The following DENND1B variants were observed in gnomAD, a reference collection of about 807,000 sequenced individuals.
DENND1B encodes the protein DENN domain containing 1B.
DENND1B carries 59 observed loss-of-function variants against 90.1 expected under a neutral mutation model. The observed-to-expected ratio is 0.65, with a 90% CI of 0.53 to 0.81. The LOEUF is 0.81. DENND1B is among the 40% of genes least tolerant of loss of function. The pLI is 0.00. For synonymous variants in DENND1B, 337 were observed against 324.6 expected, an observed-to-expected ratio of 1.04 and a Z score of -0.41; for missense variants, 862 against 912.6, an observed-to-expected ratio of 0.94 and a Z score of 0.71.
In DENND1B at chr1:197,510,325, G is replaced by A. The variant is rs561880998; in HGVS notation, c.*135C>T. On this transcript the variant is annotated 3_prime_UTR_variant, in exon 23 of 23. Coordinates refer to ENST00000620048, the MANE Select transcript of DENND1B (RefSeq NM_001195215.2). ...AATGCATTTCATATATCCTCGAAATGAACAAGTGAGAAAAATGTTGCAAAT... is the reference window on the plus strand; with the variant it reads ...AATGCATTTCATATATCCTCGAAATAAACAAGTGAGAAAAATGTTGCAAAT... 6.9e-4 allele frequency: 678 copies of A among 984,434 alleles called. 2 individuals carry two copies. The highest frequency in any genetic ancestry group is 3.6e-3 in the Middle Eastern group (11 of 3,026). 61.0% of individuals were successfully genotyped at this position (984,434 alleles called of 1,614,324 possible).
intron 18 of DENND1B, 109 bp downstream of exon 18, chr1:197,545,812 TA>T: frequency 1.1e-6 from 1 of 929,972 alleles, no homozygotes; most frequent in South Asian, 1.7e-5. Flanking sequence ...AATTTTTTTT[TA>T]GGTTTATTTA....
intron 20 of DENND1B, among the ~76,000 whole-genome samples, chr1:197,536,749 T>C (rs1669934609): frequency 1.3e-5 from 2 of 152,062 alleles, no homozygotes; most frequent in South Asian, 2.1e-4. Context: ...TATTAAGATA[T>C]ATACAACACA....
chr1:197,694,863 C>T (rs1429038097), intron 3 of DENND1B, among the ~76,000 whole-genome samples: 2 of 151,108 alleles, frequency 1.3e-5, no homozygotes, highest in Non-Finnish European at 3.0e-5. Context: ...ATCTGTTCAC[C>T]CTTCAACAGA....
At chr1:197,511,972 A>G in intron 21 of DENND1B, 28 bp from the exon 22 acceptor site, 1 of 1,556,456 alleles carries the variant, frequency 6.4e-7, no homozygotes, top group Non-Finnish European at 8.8e-7. Context: ...ACGCAGTAGT[A>G]GGTAAATAAC....
In DENND1B at chr1:197,510,358, A is replaced by T. The variant is rs1286667628; in HGVS notation, c.*102T>A. ...GAGAAAAATGTTGCAAATGCAAAAA[A>T]AAATTTAAATAGTATGAGTTGCCAT... On this transcript the variant is annotated 3_prime_UTR_variant, in exon 23 of 23. Coordinates refer to ENST00000620048, the MANE Select transcript of DENND1B (RefSeq NM_001195215.2). 1 of 1,359,418 alleles carries T rather than the reference A, an allele frequency of 7.4e-7. No individual in the cohort carries two copies. Among genetic ancestry groups the T allele is most frequent in the Non-Finnish European group, 9.8e-7 (1 of 1,024,104 alleles). 84.2% of individuals were successfully genotyped at this position (1,359,418 alleles called of 1,614,324 possible). A position where few individuals can be genotyped will look rare whatever the true frequency, so the allele number is the denominator to read the frequency against.
intron 16 of DENND1B, among the ~76,000 whole-genome samples, chr1:197,550,823 A>T (rs1030164259): frequency 6.6e-6 from 1 of 151,878 alleles, no homozygotes; most frequent in African/African-American, 2.4e-5. Context: ...AAAAAAAGGA[A>T]GTACCTCCTT....
chr1:197,539,186 T>G (rs572841336), intron 20 of DENND1B, among the ~76,000 whole-genome samples: 41 of 152,172 alleles, frequency 2.7e-4, no homozygotes, highest in Admixed American at 1.8e-3. Context: ...CTTCTGCCAC[T>G]GATCAGTTAT....
At position 197,607,058 on chromosome 1, in the gene DENND1B, A is replaced by T; in HGVS notation, c.921+15T>A. On this transcript the variant is annotated intron_variant, in intron 13 of 22. Coordinates refer to ENST00000620048, the MANE Select transcript of DENND1B (RefSeq NM_001195215.2). ...AAAACATATATGTTCACCACTGAAT[A>T]GCCTTCATACTTACCACATCACTTG... 4 of 1,575,078 alleles carry T rather than the reference A, an allele frequency of 2.5e-6. No individual in the cohort carries two copies. The highest frequency in any genetic ancestry group is 3.4e-4 in the Middle Eastern group (2 of 5,946).
At chr1:197,512,407 T>C (rs1225020630) in intron 21 of DENND1B, among the ~76,000 whole-genome samples, 1 of 151,778 alleles carries the variant, frequency 6.6e-6, no homozygotes, top group Non-Finnish European at 1.5e-5. Flanking sequence ...ACATCAATTG[T>C]AAGAAGCTAA....
chr1:197,745,925 A>C (rs1663698601), intron 2 of DENND1B, among the ~76,000 whole-genome samples: 1 of 152,146 alleles, frequency 6.6e-6, no homozygotes, highest in Non-Finnish European at 1.5e-5. Flanking sequence ...TGAAATATCA[A>C]GTCTACTGCT....
Position 197,645,894 on chromosome 1 carries a change from T to C in DENND1B, c.508-151A>G, listed in dbSNP as rs912442708. On this transcript the variant is annotated intron_variant, in intron 8 of 22. Transcript: ENST00000620048. ...TTGTTGAATTTGAGAGATTCTTAAA[T>C]GAGTTAGCGGGTTTATATGAGATTT... 3 of 483,620 alleles carry C rather than the reference T, an allele frequency of 6.2e-6. No homozygotes were observed. The East Asian group carries it at 1.1e-4, about 17-fold the overall frequency. 30.0% of individuals were successfully genotyped at this position (483,620 alleles called of 1,614,324 possible). A position where few individuals can be genotyped will look rare whatever the true frequency, so the allele number is the denominator to read the frequency against.
At chr1:197,672,248 G>T in intron 4 of DENND1B, 92 bp from the exon 5 acceptor site, 1 of 1,384,956 alleles carries the variant, frequency 7.2e-7, no homozygotes, top group Non-Finnish European at 9.6e-7. Context: ...ATGTGACATT[G>T]GTTTCATCTT....
chr1:197,677,862 C>T (rs1425881129), intron 3 of DENND1B, among the ~76,000 whole-genome samples: 1 of 152,168 alleles, frequency 6.6e-6, no homozygotes, highest in Non-Finnish European at 1.5e-5. Flanking sequence ...CAGAAGTCTT[C>T]CCTCCTGCCC....
intron 20 of DENND1B, among the ~76,000 whole-genome samples, chr1:197,527,988 C>T (rs547854830): frequency 3.3e-4 from 50 of 152,092 alleles, no homozygotes; most frequent in Non-Finnish European, 6.0e-4. Context: ...GAACAAGAAA[C>T]ATTGTATTTA....
intron 2 of DENND1B, among the ~76,000 whole-genome samples, chr1:197,744,667 G>C (rs993912468): frequency 6.6e-6 from 1 of 152,164 alleles, no homozygotes; most frequent in South Asian, 2.1e-4. Context: ...ATTGATAAAT[G>C]AGCACTGGCT....
At chr1:197,735,430 CTG>C in intron 2 of DENND1B, 4 of 1,445,212 alleles carry the variant, frequency 2.8e-6, no homozygotes, top group Non-Finnish European at 2.7e-6. Context: ...AAAAAATACT[CTG>C]AAGCTACTTC....
At chr1:197,613,304 A>G (rs1248996052) in intron 11 of DENND1B, among the ~76,000 whole-genome samples, 2 of 150,832 alleles carry the variant, frequency 1.3e-5, no homozygotes, top group Admixed American at 6.6e-5. Flanking sequence ...AATTTACAAA[A>G]TAAGTGTTAA....
chr1:197,733,653 C>G (rs541554813), intron 2 of DENND1B, among the ~76,000 whole-genome samples: 4 of 152,168 alleles, frequency 2.6e-5, no homozygotes, highest in Non-Finnish European at 5.9e-5. Flanking sequence ...TGAGGCCCCA[C>G]GAAAGCCTGG....
At chr1:197,742,749 G>A (rs1194984726) in intron 2 of DENND1B, among the ~76,000 whole-genome samples, 1 of 152,182 alleles carries the variant, frequency 6.6e-6, no homozygotes. Flanking sequence ...GTCTGGAGAT[G>A]AAGCAAAATT....
Sources: allele counts gnomAD v4.1 joint callset (sites outside exome capture counted in the v4.1 genomes callset), GRCh38; gene constraint gnomAD v4.1.1; transcripts MANE v1.5; gene names NCBI Gene and HGNC (gene_info 2026-07-23, HGNC 2026-07-21).